CFAP47: variants seen among roughly 807,000 people sequenced by gnomAD.
CFAP47 encodes the protein cilia- and flagella-associated protein 47.
In CFAP47, 29 loss-of-function variants were observed where a neutral mutation model predicts 148.1. The observed-to-expected ratio is 0.20, with a 90% confidence interval of 0.15 to 0.27. CFAP47 has a LOEUF of 0.27. CFAP47 is among the 10% of genes least tolerant of loss of function. The pLI is 1.00. For synonymous variants in CFAP47, 664 were observed against 577.3 expected, an observed-to-expected ratio of 1.15 and a Z score of -2.15; for missense variants, 1,872 against 1,697.5, an observed-to-expected ratio of 1.10 and a Z score of -1.81.
chrX:36,176,950 A>G (rs1939691164), intron 39 of CFAP47, among the ~76,000 whole-genome samples: 1 of 112,168 alleles, frequency 8.9e-6, no homozygotes, highest in African/African-American at 3.2e-5. Context: ...ACTATATTAA[A>G]AGCATCTTAA....
intron 49 of CFAP47, among the ~76,000 whole-genome samples, chrX:36,276,979 T>C (rs1338660412): frequency 9.0e-6 from 1 of 111,705 alleles, no homozygotes; most frequent in Non-Finnish European, 1.9e-5. Context: ...AGAAATCTTC[T>C]AGCAGAAGCA....
intron 2 of CFAP47, among the ~76,000 whole-genome samples, chrX:35,933,702 G>T (rs910025929): frequency 8.9e-6 from 1 of 111,758 alleles, no homozygotes; most frequent in African/African-American, 3.3e-5. Flanking sequence ...GTGTATGAGG[G>T]TTACCTTTTC....
At chrX:36,380,600 C>G (rs989978500) in intron 63 of CFAP47, among the ~76,000 whole-genome samples, 2 of 111,686 alleles carry the variant, frequency 1.8e-5, no homozygotes, top group Non-Finnish European at 3.8e-5. Context: ...CCTGCAACCA[C>G]GCCCAGCTAC....
At chrX:36,124,239 A>G (rs970112515) in intron 33 of CFAP47, among the ~76,000 whole-genome samples, 2 of 111,312 alleles carry the variant, frequency 1.8e-5, no homozygotes, top group African/African-American at 3.3e-5. Flanking sequence ...CACAAAAGCT[A>G]TGCAGCATGG....
chrX:36,177,193 A>G (rs866670818), intron 39 of CFAP47, among the ~76,000 whole-genome samples: 1 of 112,096 alleles, frequency 8.9e-6, no homozygotes, highest in Middle Eastern at 4.6e-3. Context: ...TTTTAGGAAA[A>G]CGTGCTCTTT....
At chrX:36,348,537 A>G (rs1941717314) in intron 58 of CFAP47, among the ~76,000 whole-genome samples, 1 of 111,012 alleles carries the variant, frequency 9.0e-6, no homozygotes, top group Admixed American at 9.7e-5. Context: ...GTGATGAACA[A>G]CTTTAATCTT....
chrX:35,981,772 A>C (rs1373621600), intron 15 of CFAP47, among the ~76,000 whole-genome samples: 1 of 111,741 alleles, frequency 8.9e-6, no homozygotes, highest in African/African-American at 3.2e-5. Context: ...GAGAACATGT[A>C]GTATTGATTT....
chrX:36,155,425 G>T lies in CFAP47; in HGVS notation c.5787-4001G>T, dbSNP rs927901331. Among the ~76,000 whole-genome samples the T allele has an allele frequency of 1.8e-5, 2 of 111,690 alleles. 1 individual carries two copies. Among genetic ancestry groups the T allele is most frequent in the Non-Finnish European group, 3.8e-5 (2 of 53,085 alleles). The stretch of plus-strand genomic sequence containing the variant: ...GGGTGAAAAACCATTCTGCTTTTAT[G>T]CCCAATTGTCTGACATTTTATAATG... On this transcript the variant is annotated intron_variant, in intron 37 of 63. Transcript: ENST00000378653.
At chrX:35,957,066 G>A (rs773798881) in intron 8 of CFAP47, among the ~76,000 whole-genome samples, 2 of 109,497 alleles carry the variant, frequency 1.8e-5, no homozygotes, top group South Asian at 4.1e-4. Flanking sequence ...AAAATTAGCC[G>A]GGCGTGGTGG....
At chrX:36,255,003 G>A (rs1343132284) in intron 49 of CFAP47, among the ~76,000 whole-genome samples, 2 of 111,586 alleles carry the variant, frequency 1.8e-5, no homozygotes, top group Non-Finnish European at 3.8e-5. Context: ...TTGGTAGAAA[G>A]AAATGTTGGG....
intron 57 of CFAP47, among the ~76,000 whole-genome samples, chrX:36,347,257 T>C (rs1184945565): frequency 8.9e-6 from 1 of 111,806 alleles, no homozygotes; most frequent in African/African-American, 3.3e-5. Flanking sequence ...CCAGTTAGAA[T>C]GGCAATCATT....
intron 24 of CFAP47, among the ~76,000 whole-genome samples, chrX:36,037,338 T>TTTGTTGTTGTTGTTG (rs768498053): frequency 2.8e-5 from 3 of 106,215 alleles, no homozygotes; most frequent in African/African-American, 1.1e-4. Context: ...AACTTTACTC[T>TTTGTTGTTGTTGTTG]TTGTTGTTGT....
intron 33 of CFAP47, among the ~76,000 whole-genome samples, chrX:36,122,423 G>A (rs140566881): frequency 0.029 from 3,252 of 110,543 alleles, 41 homozygotes; most frequent in Non-Finnish European, 0.044. Context: ...CCTCTCTAAC[G>A]TCAGCAACTC....
chrX:36,385,154 A>G lies in CFAP47; in HGVS notation c.*148A>G. ...TTAAAATTCAATCTGTTCTCTGAAT[A>G]TATTATACTTCATTTGTGAGTTATG... On this transcript the variant is annotated 3_prime_UTR_variant, in exon 64 of 64. Coordinates refer to ENST00000378653, the MANE Select transcript of CFAP47 (RefSeq NM_001304548.2). 1 of 426,457 alleles carries G rather than the reference A, an allele frequency of 2.3e-6. No individual in the cohort carries two copies. The highest frequency in any genetic ancestry group is 4.0e-5 in the East Asian group (1 of 25,281). 35.1% of individuals were successfully genotyped at this position (426,457 alleles called of 1,213,427 possible). A position where few individuals can be genotyped will look rare whatever the true frequency, so the allele number is the denominator to read the frequency against.
intron 45 of CFAP47, among the ~76,000 whole-genome samples, chrX:36,223,757 C>T (rs782445209): frequency 8.1e-4 from 91 of 111,725 alleles, no homozygotes; most frequent in South Asian, 4.8e-3. Flanking sequence ...ACCAGATTAA[C>T]TCCAGTTTCC....
intron 46 of CFAP47, among the ~76,000 whole-genome samples, chrX:36,229,773 A>G (rs1354599190): frequency 2.1e-5 from 1 of 48,083 alleles, no homozygotes; most frequent in Admixed American, 3.2e-4. Flanking sequence ...CCCCCACCCC[A>G]CAACAGTCCC....
intron 45 of CFAP47, among the ~76,000 whole-genome samples, chrX:36,223,480 T>G (rs2146897166): frequency 9.0e-6 from 1 of 111,313 alleles, no homozygotes; most frequent in Non-Finnish European, 1.9e-5. Context: ...ATTCATTTTC[T>G]GAATTAAAAG....
Position 35,975,328 on chromosome X carries a change from G to A in CFAP47, c.2436G>A (p.Met812Ile), listed in dbSNP as rs777335422. 1.8e-5 allele frequency: 22 copies of A among 1,196,061 alleles called. No individual in the cohort carries two copies. The highest frequency in any genetic ancestry group is 2.4e-5 in the Non-Finnish European group (21 of 887,829). The part of the protein sequence containing the change: ...ILPTSSTYIS[M>I]VFDSPTIGKF... ...CTACATCCAGTACTTATATTTCAATGGTATTTGACTCTCCCACCATTGGAA... is the reference window on the plus strand; with the variant it reads ...CTACATCCAGTACTTATATTTCAATAGTATTTGACTCTCCCACCATTGGAA... Residue 812 changes from methionine (M) to isoleucine (I), a missense_variant, in exon 14 of 64, where the codon ATG (methionine) becomes ATA (isoleucine). Coordinates refer to ENST00000378653, the MANE Select transcript of CFAP47 (RefSeq NM_001304548.2).
chrX:36,269,300 T>C (rs1940931125), intron 49 of CFAP47, among the ~76,000 whole-genome samples: 1 of 112,158 alleles, frequency 8.9e-6, no homozygotes, highest in Non-Finnish European at 1.9e-5. Context: ...GACAATTCAA[T>C]TTGATACCAA....
Sources: allele counts gnomAD v4.1 joint callset (sites outside exome capture counted in the v4.1 genomes callset), GRCh38; gene constraint gnomAD v4.1.1; transcripts MANE v1.5; gene names NCBI Gene and HGNC (gene_info 2026-07-23, HGNC 2026-07-21).